Variants in SMAD2 observed in about 807,000 individuals in gnomAD.
SMAD2 encodes SMAD family member 2.
SMAD2 carries 8 observed loss-of-function variants against 64.4 expected under a neutral mutation model. The ratio of observed to expected loss-of-function variants is 0.12; its 90% confidence interval spans 0.07 to 0.22. The LOEUF (loss-of-function observed/expected upper bound fraction) is 0.22. Among genes scored for constraint, SMAD2 ranks in the 10% least tolerant of loss-of-function variants. The probability of loss-of-function intolerance (pLI) is 1.00; values close to 1 mark genes in which losing one functional copy is unlikely to be tolerated. For missense variants in SMAD2, 289 were observed against 561.2 expected, an observed-to-expected ratio of 0.51 and a Z score of 4.90; for synonymous variants, 203 against 195.8, an observed-to-expected ratio of 1.04 and a Z score of -0.31.
At chr18:47,887,183 A>G (rs994406539) in intron 2 of SMAD2, among the ~76,000 whole-genome samples, 6 of 152,196 alleles carry the variant, frequency 3.9e-5, no homozygotes, top group African/African-American at 1.4e-4. Context: ...CAAAATCCCA[A>G]AAAGATTTCA....
At chr18:47,910,107 G>A (rs1162459448) in intron 1 of SMAD2, among the ~76,000 whole-genome samples, 1 of 151,406 alleles carries the variant, frequency 6.6e-6, no homozygotes, top group East Asian at 1.9e-4. Context: ...GTATCCAGAT[G>A]TGCCCGACTT....
chr18:47,904,135 G>GA (rs1420182352), intron 1 of SMAD2, among the ~76,000 whole-genome samples: 5 of 151,554 alleles, frequency 3.3e-5, no homozygotes, highest in African/African-American at 1.2e-4. Context: ...GTCCTCGATA[G>GA]AAAGAGAATC....
At chr18:47,849,019 A>G (rs527436203) in intron 7 of SMAD2, among the ~76,000 whole-genome samples, 16 of 152,310 alleles carry the variant, frequency 1.1e-4, no homozygotes, top group Middle Eastern at 3.4e-3. Context: ...AAGTCAGTCA[A>G]CTTGCCATAC....
intron 2 of SMAD2, among the ~76,000 whole-genome samples, chr18:47,872,619 T>C (rs1039334685): frequency 4.6e-5 from 7 of 152,096 alleles, no homozygotes; most frequent in African/African-American, 1.7e-4. Context: ...GGAGAGACCA[T>C]TACCACCTGA....
intron 6 of SMAD2, among the ~76,000 whole-genome samples, chr18:47,856,118 C>T (rs1241939877): frequency 6.7e-6 from 1 of 148,946 alleles, no homozygotes; most frequent in Non-Finnish European, 1.5e-5. Context: ...TAGAAAGACA[C>T]ATGGCATAAT....
intron 7 of SMAD2, among the ~76,000 whole-genome samples, chr18:47,849,249 G>C (rs1209401626): frequency 2.0e-5 from 3 of 151,950 alleles, no homozygotes; most frequent in Non-Finnish European, 4.4e-5. Flanking sequence ...CCAGAAAGCA[G>C]TAACACACAA....
chr18:47,884,708 T>C (rs765298005), intron 2 of SMAD2, among the ~76,000 whole-genome samples: 1 of 152,134 alleles, frequency 6.6e-6, no homozygotes, highest in Admixed American at 6.6e-5. Flanking sequence ...AAATAAAAAA[T>C]AGGCGGAGAC....
At chr18:47,874,267 T>C (rs1015046331) in intron 2 of SMAD2, among the ~76,000 whole-genome samples, 4 of 152,278 alleles carry the variant, frequency 2.6e-5, no homozygotes, top group South Asian at 2.1e-4. Context: ...TACTGACCCA[T>C]GGATGAATCT....
At chr18:47,857,920 G>C (rs534062326) in intron 6 of SMAD2, among the ~76,000 whole-genome samples, 1 of 152,308 alleles carries the variant, frequency 6.6e-6, no homozygotes, top group African/African-American at 2.4e-5. Context: ...TGAAAGTTCT[G>C]ATAAGGTAGG....
intron 6 of SMAD2, among the ~76,000 whole-genome samples, chr18:47,862,468 C>G (rs570586650): frequency 3.9e-5 from 6 of 152,278 alleles, no homozygotes; most frequent in Non-Finnish European, 8.8e-5. Context: ...CCCAACAATC[C>G]TAGGAATTGC....
At position 47,851,311 on chromosome 18, in the gene SMAD2, T is replaced by G; in HGVS notation, c.747A>C (p.Leu249=). 2.5e-6 allele frequency: 4 copies of G among 1,609,700 alleles called. No homozygotes were observed. Among genetic ancestry groups the G allele is most frequent in the Non-Finnish European group, 3.4e-6 (4 of 1,176,354 alleles). The change falls in exon 7 of 11, where the codon CTA becomes CTC. Residue 249 remains leucine, a synonymous_variant. Transcript: ENST00000262160. The part of the protein sequence containing the change: ...QSMDTGSPAE[L]SPTTLSPVNH... ...TAACAGGGGAAAGAGTAGTAGGAGATAGTTCTGCTGGAGAGCCTAAAACAA... is the reference window on the plus strand; with the variant it reads ...TAACAGGGGAAAGAGTAGTAGGAGAGAGTTCTGCTGGAGAGCCTAAAACAA...
intron 2 of SMAD2, among the ~76,000 whole-genome samples, chr18:47,874,148 T>C (rs566170455): frequency 1.3e-5 from 2 of 152,324 alleles, no homozygotes; most frequent in East Asian, 3.9e-4. Context: ...TTATATCTAT[T>C]ACAGTGACCA....
chr18:47,869,118 A>G, intron 4 of SMAD2, 125 bp downstream of exon 4: 1 of 688,392 alleles, frequency 1.5e-6, no homozygotes, highest in Non-Finnish European at 2.5e-6. Context: ...ACCAAATAAT[A>G]TGCACAATTT....
chr18:47,863,195 A>G (rs1294793671), intron 6 of SMAD2, among the ~76,000 whole-genome samples: 1 of 152,246 alleles, frequency 6.6e-6, no homozygotes, highest in East Asian at 1.9e-4. Context: ...GGAGCCCTGC[A>G]TCAGTCAGAA....
intron 6 of SMAD2, among the ~76,000 whole-genome samples, chr18:47,863,187 A>G (rs533231194): frequency 6.6e-6 from 1 of 152,294 alleles, no homozygotes; most frequent in African/African-American, 2.4e-5. Context: ...TCTAAATTGG[A>G]GCCCTGCATC....
intron 1 of SMAD2, among the ~76,000 whole-genome samples, chr18:47,910,729 TTAG>T (rs919705361): frequency 2.6e-5 from 4 of 152,192 alleles, no homozygotes; most frequent in Non-Finnish European, 5.9e-5. Flanking sequence ...TATGATTTTC[TTAG>T]TAGGTTTCTT....
rs1912987471 is a variant in SMAD2 at position 47,831,413 on chromosome 18, G to A, written c.*10414C>T. 6.6e-6 allele frequency: 1 copy of A among 152,210 alleles called. No homozygotes were observed. The highest frequency in any genetic ancestry group is 1.5e-5 in the Non-Finnish European group (1 of 68,032). The allele number at this position is 152,210 out of a possible 1,614,324, so 9.4% of individuals were successfully genotyped here. A position where few individuals can be genotyped will look rare whatever the true frequency, so the allele number is the denominator to read the frequency against. Reference sequence around the variant, plus strand: ...TCTTCCTGGACCAAACTGTTCAGAAGTTAACTTCTTTTTCCTGTCATCACA... The same window carrying A: ...TCTTCCTGGACCAAACTGTTCAGAAATTAACTTCTTTTTCCTGTCATCACA... On this transcript the variant is annotated 3_prime_UTR_variant, in exon 11 of 11. Transcript: ENST00000262160.
intron 2 of SMAD2, among the ~76,000 whole-genome samples, chr18:47,873,235 A>G (rs1301706212): frequency 6.6e-6 from 1 of 152,182 alleles, no homozygotes; most frequent in East Asian, 1.9e-4. Context: ...TGAGAGTTGT[A>G]TAAGCAGCAT....
At chr18:47,866,316 C>CAAAAAAAAAAAAAAAAAAAA (rs34302955) in intron 5 of SMAD2, among the ~76,000 whole-genome samples, 2 of 42,096 alleles carry the variant, frequency 4.8e-5, no homozygotes, top group African/African-American at 1.0e-4. Flanking sequence ...AACACCGTCT[C>CAAAAAAAAAAAAAAAAAAAA]AAAAAAAAAA....
Sources: gnomAD v4.1 joint callset for allele counts (sites outside exome capture counted in the v4.1 genomes callset) on GRCh38, gnomAD v4.1.1 for gene constraint, MANE v1.5 for transcripts, NCBI Gene and HGNC (gene_info 2026-07-23, HGNC 2026-07-21) for gene names.